Variants in SBK1 observed in about 807,000 individuals in gnomAD.
The protein encoded by SBK1 is serine/threonine-protein kinase SBK1.
Under a neutral mutation model 24.4 loss-of-function variants are expected in SBK1, and 11 were observed. The ratio of observed to expected loss-of-function variants is 0.45; its 90% confidence interval spans 0.28 to 0.75. SBK1 has a LOEUF of 0.75. SBK1 is among the 30% of genes least tolerant of loss of function. The pLI is 0.12. For synonymous variants in SBK1, 308 were observed against 284.4 expected, an observed-to-expected ratio of 1.08 and a Z score of -0.83; for missense variants, 467 against 620.5, an observed-to-expected ratio of 0.75 and a Z score of 2.63.
chr16:28,274,607 G>C (rs866517058), intron 1 of SBK1, among the ~76,000 whole-genome samples: 1 of 152,082 alleles, frequency 6.6e-6, no homozygotes, highest in African/African-American at 2.4e-5. Context: ...AGCCGAGATC[G>C]AGCCACTGCA....
chr16:28,320,284 C>T lies in SBK1; in HGVS notation c.638C>T (p.Pro213Leu). The T allele has an allele frequency of 1.3e-6, 2 of 1,590,614 alleles. No homozygotes were observed. Among genetic ancestry groups the T allele is most frequent in the Non-Finnish European group, 1.7e-6 (2 of 1,174,360 alleles). The change falls in exon 4 of 4, where the codon CCT becomes CTT. Residue 213 changes from proline (P) to leucine (L), a missense_variant. Physicochemically the swap from Pro to Leu is moderately conservative, Grantham distance 98. Coordinates refer to ENST00000341901, the MANE Select transcript of SBK1 (RefSeq NM_001024401.3). This position sits in a 1 kb window ranked among gnomAD's most constrained non-coding sequence, Gnocchi z 8.5. ...CRVKRVSGTI[P>L]YTAPEVCQAG... ...GTCAAGCGCGTGAGCGGCACCATCC[C>T]TTACACGGCGCCTGAGGTGTGCCAG...
intron 1 of SBK1, among the ~76,000 whole-genome samples, chr16:28,293,689 C>G (rs573758978): frequency 3.9e-5 from 6 of 152,194 alleles, no homozygotes; most frequent in African/African-American, 1.4e-4. Flanking sequence ...TGAAGTCCCC[C>G]CGAGAGGGGA....
chr16:28,320,411 G>A lies in SBK1; in HGVS notation c.765G>A (p.Ala255=). 1 of 1,590,112 alleles carries A rather than the reference G, an allele frequency of 6.3e-7. No individual in the cohort carries two copies. The highest frequency in any genetic ancestry group is 1.1e-5 in the South Asian group (1 of 90,760). ...TCACCGGCAACTTCCCGTGGGAGGC[G>A]GCGTCGGGCGCCGACGCCTTCTTCG... is the stretch of plus-strand genomic sequence containing the variant. ...CVLTGNFPWE[A]ASGADAFFEE... is the part of the protein sequence containing the mutation. The change falls in exon 4 of 4, where the codon GCG becomes GCA. Residue 255 remains alanine (A), a synonymous_variant. Coordinates refer to ENST00000341901, the MANE Select transcript of SBK1 (RefSeq NM_001024401.3). This position sits in a 1 kb window ranked among gnomAD's most constrained non-coding sequence, Gnocchi z 8.5.
At chr16:28,313,034 G>T (rs1484367080) in intron 1 of SBK1, among the ~76,000 whole-genome samples, 1 of 152,202 alleles carries the variant, frequency 6.6e-6, no homozygotes, top group Non-Finnish European at 1.5e-5. Context: ...AGAGGCTGAG[G>T]CAAAAGAATC....
intron 1 of SBK1, among the ~76,000 whole-genome samples, chr16:28,273,407 G>A (rs1164854900): frequency 1.3e-5 from 2 of 151,998 alleles, no homozygotes; most frequent in African/African-American, 4.8e-5. Flanking sequence ...TTTTAGTAGA[G>A]ATGGGGTTTC....
chr16:28,283,850 A>G (rs1043182647), intron 1 of SBK1, among the ~76,000 whole-genome samples: 4 of 151,822 alleles, frequency 2.6e-5, no homozygotes, highest in Non-Finnish European at 4.4e-5. Context: ...CCCCACTCCG[A>G]CCTGCCAGCA....
upstream of SBK1, among the ~76,000 whole-genome samples, chr16:28,292,329 G>T (rs924805299): frequency 4.1e-5 from 6 of 145,568 alleles, no homozygotes; most frequent in Non-Finnish European, 6.1e-5. Context: ...CGGCCGGAAG[G>T]GGGTGGGGGC....
chr16:28,316,850 G>A (rs2044799959), intron 1 of SBK1, among the ~76,000 whole-genome samples: 1 of 152,172 alleles, frequency 6.6e-6, no homozygotes, highest in Non-Finnish European at 1.5e-5. Context: ...CTGCACTCCA[G>A]CCTGGGTGAC....
rs533408188 is a variant in SBK1 at position 28,284,437 on chromosome 16, G to A, written c.257+24935G>A. ...AGCACACACCCCCATGGGCATGGGC[G>A]GGGTCAGGACCCATCAGATCCTTGT... On this transcript the variant is annotated intron_variant, in intron 1 of 3. Transcript: ENST00000671413. Among the ~76,000 whole-genome samples the A allele has an allele frequency of 4.7e-4, 71 of 152,344 alleles. No homozygotes were observed. The South Asian group carries it at 0.012, about 27-fold the overall frequency.
At chr16:28,287,458 A>G (rs1212220342) in intron 1 of SBK1, among the ~76,000 whole-genome samples, 3 of 151,806 alleles carry the variant, frequency 2.0e-5, no homozygotes, top group Non-Finnish European at 2.9e-5. Context: ...CAAAAAAAAA[A>G]AAAAAAGAAG....
chr16:28,308,450 CTTTTTTTTTTTTTT>C (rs59880320), intron 1 of SBK1, among the ~76,000 whole-genome samples: 52 of 40,008 alleles, frequency 1.3e-3, no homozygotes, highest in African/African-American at 5.3e-3. Context: ...CATGCTTGGG[CTTTTTTTTTTTTTT>C]TTTTTTTTTT....
chr16:28,304,302 A>G (rs1215574138), intron 1 of SBK1, among the ~76,000 whole-genome samples: 1 of 152,090 alleles, frequency 6.6e-6, no homozygotes, highest in African/African-American at 2.4e-5. Context: ...CCAGCCTCGC[A>G]CTTAATGCTG....
At chr16:28,264,689 C>G (rs890875067) in intron 1 of SBK1, among the ~76,000 whole-genome samples, 1 of 152,036 alleles carries the variant, frequency 6.6e-6, no homozygotes, top group Admixed American at 6.6e-5. Context: ...AGAAGAGGAG[C>G]CTCTCGGCTG....
Position 28,301,723 on chromosome 16 carries a change from A to G in SBK1, c.-8+8423A>G, listed in dbSNP as rs369235747. Among the ~76,000 whole-genome samples, 9 of 152,328 alleles carry G rather than the reference A, an allele frequency of 5.9e-5. No homozygotes were observed. The East Asian group carries it at 7.7e-4, about 13-fold the overall frequency. ...GAAGGCCTTCCCCAGGCTCACCTGC[A>G]GAGTCAACGACAGATCCAAGGTCCA... On this transcript the variant is annotated intron_variant, in intron 1 of 3. Coordinates refer to ENST00000341901, the MANE Select transcript of SBK1 (RefSeq NM_001024401.3).
At chr16:28,275,243 T>C (rs1488444439) in intron 1 of SBK1, among the ~76,000 whole-genome samples, 4 of 151,904 alleles carry the variant, frequency 2.6e-5, no homozygotes, top group African/African-American at 9.7e-5. Context: ...GGCGGGAGGA[T>C]TGCTACAGTG....
chr16:28,288,523 C>T (rs548181830), upstream of SBK1, among the ~76,000 whole-genome samples: 2 of 152,326 alleles, frequency 1.3e-5, no homozygotes, highest in Admixed American at 1.3e-4. Context: ...ATCGAGAGGC[C>T]ATAACCAGCG....
intron 1 of SBK1, among the ~76,000 whole-genome samples, chr16:28,261,428 T>TACAG (rs1204943936): frequency 1.6e-5 from 2 of 124,580 alleles, no homozygotes; most frequent in African/African-American, 6.4e-5. Flanking sequence ...GACTCCCGTC[T>TACAG]ACACACACAC....
At chr16:28,285,122 G>A (rs1225677276) in intron 1 of SBK1, 1 of 152,212 alleles carries the variant, frequency 6.6e-6, no homozygotes, top group Non-Finnish European at 1.5e-5. Context: ...ATTTGTCGTA[G>A]AGGCGGAGGT....
At chr16:28,290,127 C>T (rs1436297471), upstream of SBK1, among the ~76,000 whole-genome samples, 1 of 151,240 alleles carries the variant, frequency 6.6e-6, no homozygotes. Context: ...CCTAGAATAG[C>T]GTGGCTGAGG....
Sources: allele counts gnomAD v4.1 joint callset (sites outside exome capture counted in the v4.1 genomes callset), GRCh38; gene constraint gnomAD v4.1.1; non-coding constraint Gnocchi (gnomAD v3.1); transcripts MANE v1.5; gene names NCBI Gene and HGNC (gene_info 2026-07-23, HGNC 2026-07-21).